The following RHOT1 variants were observed in gnomAD, a reference collection of about 807,000 sequenced individuals.
The protein encoded by RHOT1 is mitochondrial Rho GTPase 1.
RHOT1 carries 27 observed loss-of-function variants against 95.3 expected under a neutral mutation model. The ratio of observed to expected loss-of-function variants is 0.28; its 90% confidence interval spans 0.21 to 0.39. RHOT1 has a LOEUF of 0.39. Among genes scored for constraint, RHOT1 ranks in the 10% least tolerant of loss-of-function variants. RHOT1 has a pLI of 1.00. For missense variants in RHOT1, 578 were observed against 786.7 expected (o/e 0.73, Z 3.17); for synonymous variants, 227 against 263.5 (o/e 0.86, Z 1.34).
At chr17:32,206,447 T>C (rs1392318570) in intron 16 of RHOT1, among the ~76,000 whole-genome samples, 1 of 116,674 alleles carries the variant, frequency 8.6e-6, no homozygotes. Flanking sequence ...CTTTCTTTTT[T>C]TTTTTTTTTT....
At chr17:32,190,619 C>T (rs753683960) in intron 8 of RHOT1, among the ~76,000 whole-genome samples, 2 of 152,032 alleles carry the variant, frequency 1.3e-5, no homozygotes, top group Non-Finnish European at 2.9e-5. Flanking sequence ...AATTATTAAA[C>T]TTTTTTAAAA....
chr17:32,180,654 GAAAA>G (rs35775998), intron 6 of RHOT1, among the ~76,000 whole-genome samples: 1 of 26,664 alleles, frequency 3.8e-5, no homozygotes, highest in African/African-American at 8.6e-5. Context: ...AAAAGTACAA[GAAAA>G]AAAAAAAGAA....
Position 32,176,161 on chromosome 17 carries a change from G to A in RHOT1, c.277G>A (p.Val93Ile). The A allele has an allele frequency of 3.7e-6, 6 of 1,611,274 alleles. 1 individual carries two copies. The South Asian group carries it at 5.5e-5, about 15-fold the overall frequency. Residue 93 changes from valine (V) to isoleucine (I), a missense_variant and splice_region_variant, in exon 6 of 20, where the codon GTA (valine) becomes ATA (isoleucine). Transcript: ENST00000545287. The part of the protein sequence containing the change: ...AVNNKHSIDK[V>I]TSRWIPLINE... ...AAGCGCTTGTTAATTTTCATTTTAG[G>A]TAACAAGTCGATGGATTCCTCTCAT...
At chr17:32,214,316 G>T (rs150361488) in intron 19 of RHOT1, among the ~76,000 whole-genome samples, 3 of 152,302 alleles carry the variant, frequency 2.0e-5, no homozygotes, top group African/African-American at 7.2e-5. Flanking sequence ...GCCGTTTGTT[G>T]TTGTACAGGT....
intron 19 of RHOT1, among the ~76,000 whole-genome samples, chr17:32,221,536 C>A (rs1291636912): frequency 6.6e-6 from 1 of 152,118 alleles, no homozygotes; most frequent in African/African-American, 2.4e-5. Context: ...GATAAGCGTG[C>A]CCTCCATTTT....
chr17:32,181,425 T>C (rs754440104), intron 6 of RHOT1, among the ~76,000 whole-genome samples: 12 of 152,242 alleles, frequency 7.9e-5, no homozygotes, highest in Non-Finnish European at 1.2e-4. Context: ...ACATCTAACC[T>C]ATCAGCTGTT....
chr17:32,224,781 A>T lies in RHOT1; in HGVS notation c.*48A>T, dbSNP rs992287467. ...ACCAAAAACAAATACTTTTATGTACATTCTGAATGCTTTAAGTTCTGCTAG... is the reference window on the plus strand; with the variant it reads ...ACCAAAAACAAATACTTTTATGTACTTTCTGAATGCTTTAAGTTCTGCTAG... On this transcript the variant is annotated 3_prime_UTR_variant, in exon 20 of 20. Coordinates refer to ENST00000545287, the MANE Select transcript of RHOT1 (RefSeq NM_001033566.3). The T allele has an allele frequency of 9.1e-7, 1 of 1,093,212 alleles. No individual in the cohort carries two copies. The highest frequency in any genetic ancestry group is 1.9e-5 in the Admixed American group (1 of 53,344). The allele number at this position is 1,093,212 out of a possible 1,614,324, so 67.7% of individuals were successfully genotyped here.
chr17:32,175,873 C>T (rs2034962742), intron 4 of RHOT1, 89 bp from the exon 5 acceptor site: 2 of 831,504 alleles, frequency 2.4e-6, no homozygotes, highest in African/African-American at 1.8e-5. Context: ...TTCTTCCTTT[C>T]ACCCGAATAT....
intron 9 of RHOT1, 50 bp from the exon 10 acceptor site, chr17:32,193,086 T>C (rs2036616131): frequency 9.4e-7 from 1 of 1,059,278 alleles, no homozygotes; most frequent in Non-Finnish European, 1.4e-6. Context: ...ATATTATTTG[T>C]GGTTTTAACG....
At chr17:32,162,679 A>G (rs1294266623) in intron 1 of RHOT1, among the ~76,000 whole-genome samples, 8 of 152,336 alleles carry the variant, frequency 5.3e-5, no homozygotes, top group African/African-American at 1.7e-4. Context: ...TTTCCCATTC[A>G]TGTAAAATTG....
intron 11 of RHOT1, among the ~76,000 whole-genome samples, chr17:32,195,608 A>T (rs1419766800): frequency 6.6e-6 from 1 of 152,134 alleles, no homozygotes; most frequent in Non-Finnish European, 1.5e-5. Flanking sequence ...TCATTGGCAC[A>T]TTACCTTCAT....
intron 1 of RHOT1, among the ~76,000 whole-genome samples, chr17:32,163,566 A>T (rs1277291861): frequency 6.6e-6 from 1 of 152,008 alleles, no homozygotes; most frequent in Admixed American, 6.6e-5. Flanking sequence ...TCCCGTCTCT[A>T]CTAAAAATAC....
intron 4 of RHOT1, among the ~76,000 whole-genome samples, chr17:32,175,712 T>C (rs997937153): frequency 1.3e-5 from 2 of 152,212 alleles, no homozygotes; most frequent in African/African-American, 4.8e-5. Flanking sequence ...CCGTCCCTTT[T>C]TCATTCTCTT....
intron 4 of RHOT1, among the ~76,000 whole-genome samples, chr17:32,175,584 G>A (rs1474219686): frequency 1.3e-5 from 2 of 152,124 alleles, no homozygotes; most frequent in Non-Finnish European, 2.9e-5. Context: ...AGCCTCCCAA[G>A]TAGCTGGGAT....
At chr17:32,211,522 G>T in intron 19 of RHOT1, 1 of 210,250 alleles carries the variant, frequency 4.8e-6, no homozygotes, top group Non-Finnish European at 9.4e-6. Flanking sequence ...ATATGTATAG[G>T]GAAATTAAAA....
Position 32,142,643 on chromosome 17 carries a change from G to T in RHOT1, c.-50G>T. On this transcript the variant is annotated 5_prime_UTR_variant, in exon 1 of 20. Transcript: ENST00000545287. ...GTGGGGTGGGTGCTCCTGGTGAGAG[G>T]AGTCCACTCCGTGCGTGCGGGCGGA... is the stretch of plus-strand genomic sequence containing the variant. 1 of 1,489,652 alleles carries T rather than the reference G, an allele frequency of 6.7e-7. No individual in the cohort carries two copies. 92.3% of individuals were successfully genotyped at this position (1,489,652 alleles called of 1,614,324 possible).
At chr17:32,194,691 G>T (rs1222746153) in intron 11 of RHOT1, among the ~76,000 whole-genome samples, 1 of 152,122 alleles carries the variant, frequency 6.6e-6, no homozygotes, top group African/African-American at 2.4e-5. Context: ...TGTTTTGGGA[G>T]TCAAGAGATC....
At chr17:32,163,833 C>T (rs1169483193) in intron 1 of RHOT1, among the ~76,000 whole-genome samples, 1 of 152,034 alleles carries the variant, frequency 6.6e-6, no homozygotes, top group Non-Finnish European at 1.5e-5. Context: ...GACCTAGTGG[C>T]CATGATCAGT....
At chr17:32,182,947 G>A in intron 7 of RHOT1, 82 bp downstream of exon 7, 1 of 912,314 alleles carries the variant, frequency 1.1e-6, no homozygotes, top group Non-Finnish European at 1.7e-6. Context: ...GGACAATGTG[G>A]GATGGAATAA....
Sources: gnomAD v4.1 joint callset for allele counts (sites outside exome capture counted in the v4.1 genomes callset) on GRCh38, gnomAD v4.1.1 for gene constraint, MANE v1.5 for transcripts, NCBI Gene and HGNC (gene_info 2026-07-23, HGNC 2026-07-21) for gene names.